Variants in NTNG1 observed in about 807,000 individuals in gnomAD.
NTNG1 encodes the protein netrin-G1.
A neutral mutation model predicts 54.0 loss-of-function variants in NTNG1; 16 were observed. The observed-to-expected ratio is 0.30, with a 90% confidence interval of 0.20 to 0.45. The LOEUF is 0.45. Among genes scored for constraint, NTNG1 ranks in the 20% least tolerant of loss-of-function variants. The probability of loss-of-function intolerance (pLI) is 1.00; values close to 1 mark genes in which losing one functional copy is unlikely to be tolerated. For synonymous variants in NTNG1, 255 were observed against 263.1 expected (o/e 0.97, Z 0.30); for missense variants, 530 against 678.7 (o/e 0.78, Z 2.43).
chr1:107,287,329 A>T (rs1665260914), intron 2 of NTNG1, among the ~76,000 whole-genome samples: 1 of 152,222 alleles, frequency 6.6e-6, no homozygotes, highest in Non-Finnish European at 1.5e-5. Context: ...GTTCATCACT[A>T]CTTTGTTGAT....
chr1:107,225,884 G>A (rs938188745), intron 2 of NTNG1, among the ~76,000 whole-genome samples: 1 of 152,070 alleles, frequency 6.6e-6, no homozygotes. Context: ...AGCCACTGGG[G>A]ACAATCACAC....
intron 2 of NTNG1, among the ~76,000 whole-genome samples, chr1:107,155,938 G>A (rs186697907): frequency 6.6e-6 from 1 of 152,076 alleles, no homozygotes; most frequent in Non-Finnish European, 1.5e-5. Context: ...GTTTCCTATA[G>A]TATTCAGTAT....
intron 2 of NTNG1, among the ~76,000 whole-genome samples, chr1:107,241,670 C>T (rs957054221): frequency 1.1e-4 from 16 of 152,278 alleles, no homozygotes; most frequent in African/African-American, 3.6e-4. Flanking sequence ...ACCTGAAATA[C>T]CCTGTTCCCT....
chr1:107,459,414 G>A (rs188607287), intron 7 of NTNG1, among the ~76,000 whole-genome samples: 50 of 152,206 alleles, frequency 3.3e-4, no homozygotes, highest in African/African-American at 1.1e-3. Context: ...TGCATTCACA[G>A]CTGTTGGAGA....
intron 2 of NTNG1, among the ~76,000 whole-genome samples, chr1:107,298,877 A>G (rs1436966628): frequency 6.6e-6 from 1 of 152,178 alleles, no homozygotes; most frequent in Non-Finnish European, 1.5e-5. Flanking sequence ...TCCTCTAGGA[A>G]GATCAAGAAA....
At chr1:107,152,241 A>T (rs1413274647) in intron 2 of NTNG1, among the ~76,000 whole-genome samples, 1 of 151,984 alleles carries the variant, frequency 6.6e-6, no homozygotes, top group African/African-American at 2.4e-5. Context: ...CCCTTTTTTT[A>T]GGCTGGGAAA....
chr1:107,166,271 C>T (rs1056292150), intron 2 of NTNG1, among the ~76,000 whole-genome samples: 1 of 152,264 alleles, frequency 6.6e-6, no homozygotes, highest in Middle Eastern at 3.4e-3. Context: ...TCTTGTATTT[C>T]GCTTTCCTTT....
Position 107,334,851 on chromosome 1 carries a change from A to G in NTNG1, c.887+9929A>G, listed in dbSNP as rs142727026. On this transcript the variant is annotated intron_variant, in intron 3 of 7. Transcript: ENST00000370068. Reference sequence around the variant, plus strand: ...ATGATTGCAGAATATCCTTCTAAGCATCACGTAGAGGACCATTCTGAGGAC... The same window carrying G: ...ATGATTGCAGAATATCCTTCTAAGCGTCACGTAGAGGACCATTCTGAGGAC... Among the ~76,000 whole-genome samples the G allele has an allele frequency of 6.3e-3, 954 of 152,132 alleles. 10 individuals carry two copies. Among genetic ancestry groups the G allele is most frequent in the African/African-American group, 0.018 (766 of 41,542 alleles).
chr1:107,429,925 C>A (rs1316366561), intron 5 of NTNG1, among the ~76,000 whole-genome samples: 1 of 152,140 alleles, frequency 6.6e-6, no homozygotes, highest in Non-Finnish European at 1.5e-5. Flanking sequence ...CCTGTCTAGT[C>A]ATTACCACCA....
intron 2 of NTNG1, among the ~76,000 whole-genome samples, chr1:107,222,244 G>C (rs1200330574): frequency 6.6e-6 from 1 of 151,984 alleles, no homozygotes. Flanking sequence ...CTCTGTACTT[G>C]CCGCCTAACT....
At chr1:107,480,082 C>A (rs1381321550) in intron 7 of NTNG1, among the ~76,000 whole-genome samples, 1 of 152,064 alleles carries the variant, frequency 6.6e-6, no homozygotes, top group South Asian at 2.1e-4. Flanking sequence ...GTCCCCACCC[C>A]TCCTCATCCC....
chr1:107,423,034 G>T (rs998625282), intron 5 of NTNG1, among the ~76,000 whole-genome samples: 3 of 151,984 alleles, frequency 2.0e-5, no homozygotes, highest in Non-Finnish European at 4.4e-5. Flanking sequence ...CCCAGCCAGT[G>T]TCAGTCAAAA....
chr1:107,435,049 TTA>T (rs1675511837), intron 6 of NTNG1, among the ~76,000 whole-genome samples: 1 of 152,166 alleles, frequency 6.6e-6, no homozygotes, highest in African/African-American at 2.4e-5. Context: ...CTCTAAAATC[TTA>T]TATTAATTAA....
chr1:107,401,468 A>G (rs1447248924), intron 4 of NTNG1, among the ~76,000 whole-genome samples: 3 of 152,186 alleles, frequency 2.0e-5, no homozygotes, highest in Admixed American at 6.5e-5. Context: ...TACAGTGCAC[A>G]TATATTACAA....
chr1:107,159,903 A>G (rs1404417117), intron 2 of NTNG1, among the ~76,000 whole-genome samples: 2 of 152,190 alleles, frequency 1.3e-5, no homozygotes, highest in Non-Finnish European at 2.9e-5. Flanking sequence ...TTTTCCATTA[A>G]CGTGTTCATA....
intron 2 of NTNG1, among the ~76,000 whole-genome samples, chr1:107,187,547 T>C (rs935181784): frequency 6.6e-6 from 1 of 152,176 alleles, no homozygotes; most frequent in African/African-American, 2.4e-5. Flanking sequence ...ATTGGTTTCC[T>C]AGCAGGATAG....
chr1:107,456,874 A>G (rs1476471916), intron 7 of NTNG1, among the ~76,000 whole-genome samples: 6 of 152,240 alleles, frequency 3.9e-5, no homozygotes, highest in African/African-American at 1.4e-4. Flanking sequence ...CCATAAGGCC[A>G]TACTGGAATG....
intron 2 of NTNG1, among the ~76,000 whole-genome samples, chr1:107,267,144 T>C (rs1185753227): frequency 6.6e-6 from 1 of 152,228 alleles, no homozygotes; most frequent in East Asian, 1.9e-4. Context: ...ATGTCCATAC[T>C]GAGCCTTCAC....
At chr1:107,330,397 T>C (rs1043947222) in intron 3 of NTNG1, among the ~76,000 whole-genome samples, 7 of 152,138 alleles carry the variant, frequency 4.6e-5, no homozygotes, top group Non-Finnish European at 2.9e-5. Flanking sequence ...CATTGCTTAA[T>C]TGTGGAGCAA....
Sources: gnomAD v4.1 joint callset for allele counts (sites outside exome capture counted in the v4.1 genomes callset) on GRCh38, gnomAD v4.1.1 for gene constraint, MANE v1.5 for transcripts, NCBI Gene and HGNC (gene_info 2026-07-23, HGNC 2026-07-21) for gene names.